Variants in CEP83 observed in about 807,000 individuals in gnomAD.
CEP83 encodes centrosomal protein 83.
Under a neutral mutation model 101.9 loss-of-function variants are expected in CEP83, and 70 were observed. That is an observed-to-expected ratio of 0.69 (90% CI 0.57 to 0.84). CEP83 has a LOEUF of 0.84. Ranked by LOEUF, CEP83 falls within the 40% of genes least tolerant of loss-of-function variation. CEP83 has a pLI of 0.00. For synonymous variants in CEP83, 264 were observed against 267.9 expected, an observed-to-expected ratio of 0.99 and a Z score of 0.14; for missense variants, 715 against 787.2, an observed-to-expected ratio of 0.91 and a Z score of 1.10.
Position 94,375,867 on chromosome 12 carries a change from G to GAAACATA in CEP83, c.933+12_933+18dup. ...AACAAACATTCTAAAGAATGAAACA[G>GAAACATA]AAACATAAAACAACTTACTTTACTG... On this transcript the variant is annotated intron_variant, in intron 8 of 16. Transcript: ENST00000397809. The GAAACATA allele has an allele frequency of 7.4e-7, 1 of 1,350,992 alleles. No individual in the cohort carries two copies. Among genetic ancestry groups the GAAACATA allele is most frequent in the Non-Finnish European group, 9.9e-7 (1 of 1,005,340 alleles). The allele number at this position is 1,350,992 out of a possible 1,614,324, so 83.7% of individuals were successfully genotyped here. A position where few individuals can be genotyped will look rare whatever the true frequency, so the allele number is the denominator to read the frequency against.
intron 11 of CEP83, among the ~76,000 whole-genome samples, chr12:94,350,164 T>G (rs1280581093): frequency 6.6e-6 from 1 of 152,162 alleles, no homozygotes; most frequent in African/African-American, 2.4e-5. Context: ...GTATGGAATC[T>G]CAAGGCAACC....
intron 14 of CEP83, among the ~76,000 whole-genome samples, chr12:94,326,787 C>T (rs531923309): frequency 1.0e-3 from 158 of 152,140 alleles, no homozygotes; most frequent in African/African-American, 3.3e-3. Context: ...CCCAAGAACT[C>T]CAAGGATTAC....
chr12:94,402,990 A>T, intron 5 of CEP83, 180 bp downstream of exon 5: 1 of 394,964 alleles, frequency 2.5e-6, no homozygotes, highest in Non-Finnish European at 4.5e-6. Context: ...GCCAATGTGG[A>T]AAAAGGAAAG....
Position 94,376,002 on chromosome 12 carries a change from C to A in CEP83, c.817G>T (p.Ala273Ser). 1 of 1,557,658 alleles carries A rather than the reference C, an allele frequency of 6.4e-7. No individual in the cohort carries two copies. The highest frequency in any genetic ancestry group is 1.9e-5 in the Admixed American group (1 of 53,348). ...TCCAAACGTTCTGCCCGTAAATTAG[C>A]TGATTGTTTTTCAGCCTTTCATACA... ...VRSLEAEKQS[A>S]NLRAERLEKE... The change falls in exon 8 of 17, where the codon GCT (alanine) becomes TCT (serine). Residue 273 changes from alanine to serine, a missense_variant. Physicochemically the swap from Ala to Ser is moderately conservative, Grantham distance 99. Coordinates refer to ENST00000397809, the MANE Select transcript of CEP83 (RefSeq NM_016122.3).
At chr12:94,416,949 T>C (rs924128096) in intron 2 of CEP83, among the ~76,000 whole-genome samples, 1 of 151,940 alleles carries the variant, frequency 6.6e-6, no homozygotes, top group Non-Finnish European at 1.5e-5. Context: ...TACAGCTACC[T>C]GGCAATAACA....
chr12:94,276,639 C>T, the CEP83 span, among the ~76,000 whole-genome samples: 30,746 of 152,130 alleles, frequency 0.2, 3,219 homozygotes, highest in Admixed American at 0.24. Flanking sequence ...TTCCCTCACT[C>T]TACAACAGGG....
At chr12:94,289,146 A>C in the CEP83 span, among the ~76,000 whole-genome samples, 1 of 152,208 alleles carries the variant, frequency 6.6e-6, no homozygotes, top group East Asian at 1.9e-4. Context: ...TAAACATGGT[A>C]TCTTATAAAG....
intron 5 of CEP83, among the ~76,000 whole-genome samples, chr12:94,401,651 T>C (rs532647399): frequency 2.0e-5 from 3 of 152,354 alleles, no homozygotes; most frequent in East Asian, 1.9e-4. Flanking sequence ...AAGGAAAGCA[T>C]GTCTCCTAAA....
chr12:94,301,034 C>G, the CEP83 span: 7 of 1,613,832 alleles, frequency 4.3e-6, no homozygotes, highest in Non-Finnish European at 5.9e-6. Flanking sequence ...TGCATTTTCT[C>G]TCACAGAGCA....
intron 6 of CEP83, among the ~76,000 whole-genome samples, chr12:94,392,417 A>C (rs2062604618): frequency 6.6e-6 from 1 of 152,182 alleles, no homozygotes; most frequent in Non-Finnish European, 1.5e-5. Flanking sequence ...TGAAGGCAGA[A>C]ATAAAGATGT....
At chr12:94,451,467 C>CAA (rs34200750) in intron 1 of CEP83, among the ~76,000 whole-genome samples, 5 of 102,638 alleles carry the variant, frequency 4.9e-5, no homozygotes, top group East Asian at 3.0e-4. Context: ...TCAGTAAGAC[C>CAA]AAAAAAAAAA....
chr12:94,381,635 G>A (rs1447649120), intron 6 of CEP83, among the ~76,000 whole-genome samples: 1 of 152,052 alleles, frequency 6.6e-6, no homozygotes, highest in African/African-American at 2.4e-5. Context: ...ATAGGGATAT[G>A]GGTAAGAGAA....
chr12:94,395,624 C>T (rs1253479517), intron 6 of CEP83, among the ~76,000 whole-genome samples: 1 of 152,084 alleles, frequency 6.6e-6, no homozygotes, highest in Non-Finnish European at 1.5e-5. Flanking sequence ...GAGATCAAGA[C>T]CATCCTGCCT....
At chr12:94,268,198 T>C in the CEP83 span, among the ~76,000 whole-genome samples, 1 of 152,194 alleles carries the variant, frequency 6.6e-6, no homozygotes, top group African/African-American at 2.4e-5. Flanking sequence ...TTCACACCTC[T>C]CAGATGAGGA....
intron 11 of CEP83, among the ~76,000 whole-genome samples, chr12:94,351,311 C>T (rs1156792204): frequency 6.6e-6 from 1 of 152,110 alleles, no homozygotes; most frequent in Non-Finnish European, 1.5e-5. Flanking sequence ...TGCTTGGAGT[C>T]CACATGGTTA....
At position 94,309,989 on chromosome 12, in the gene CEP83, T is replaced by A. The variant is rs747248409; in HGVS notation, c.1930A>T (p.Ile644Phe). 3 of 1,612,542 alleles carry A rather than the reference T, an allele frequency of 1.9e-6. No individual in the cohort carries two copies. The highest frequency in any genetic ancestry group is 1.7e-6 in the Non-Finnish European group (2 of 1,178,996). Residue 644 changes from isoleucine to phenylalanine, a missense_variant, in exon 16 of 17, where the codon ATC becomes TTC. Ile to Phe is a conservative substitution (Grantham distance 21). Coordinates refer to ENST00000397809, the MANE Select transcript of CEP83 (RefSeq NM_016122.3). ...LVPNMPPTAS[I>F]NPVSFQSSAM... ...GATGACTGAAAGCTAACAGGATTGA[T>A]AGATGCTGTTGGAGGCATGTTAGGA... is the stretch of plus-strand genomic sequence containing the variant.
At chr12:94,388,294 G>A (rs1188569287) in intron 6 of CEP83, among the ~76,000 whole-genome samples, 4 of 152,198 alleles carry the variant, frequency 2.6e-5, no homozygotes, top group Non-Finnish European at 4.4e-5. Context: ...AGATACAGCT[G>A]GAGACTATCA....
rs1244132282 is a variant in CEP83, at chr12:94,400,873, C to T, written c.526G>A (p.Gly176Arg). 6.8e-7 allele frequency: 1 copy of T among 1,477,244 alleles called. No homozygotes were observed. The allele number at this position is 1,477,244 out of a possible 1,614,324, so 91.5% of individuals were successfully genotyped here. A position where few individuals can be genotyped will look rare whatever the true frequency, so the allele number is the denominator to read the frequency against. Residue 176 changes from glycine (G) to arginine (R), a missense_variant, in exon 6 of 17, where the codon GGA becomes AGA. Gly to Arg is a moderately radical substitution (Grantham distance 125). Transcript: ENST00000397809. ...KEEYARILDE[G>R]KIKYESEIAR... ...ACCTCTGATTCATATTTTATTTTTC[C>T]TTCATCTAAAATACGTGCATACTCT...
At position 94,400,981 on chromosome 12, in the gene CEP83, C is replaced by A. The variant is rs2063219466; in HGVS notation, c.418G>T (p.Glu140Ter). The A allele has an allele frequency of 7.3e-7, 1 of 1,362,224 alleles. No homozygotes were observed. The highest frequency in any genetic ancestry group is 9.6e-7 in the Non-Finnish European group (1 of 1,043,658). The allele number at this position is 1,362,224 out of a possible 1,614,324, so 84.4% of individuals were successfully genotyped here. The change falls in exon 6 of 17, where the codon GAG (glutamate) becomes TAG (stop). Residue 140 changes from glutamate to a stop codon, truncating the protein, a stop_gained and splice_region_variant. Coordinates refer to ENST00000397809, the MANE Select transcript of CEP83 (RefSeq NM_016122.3). LOFTEE classifies it high-confidence loss of function. ...TATACAGCTCTATACTTTTCTACCT[C>A]CTAAAGGGAGAATGCATTTATCATA... ...MRERFRNLDE[E>*]VEKYRAVYNK...
Sources: gnomAD v4.1 joint callset for allele counts (sites outside exome capture counted in the v4.1 genomes callset) on GRCh38, gnomAD v4.1.1 for gene constraint, MANE v1.5 for transcripts, NCBI Gene and HGNC (gene_info 2026-07-23, HGNC 2026-07-21) for gene names.